Variants in CHRDL1 observed in about 807,000 individuals in gnomAD.
The protein encoded by CHRDL1 is chordin-like protein 1.
CHRDL1 carries 19 observed loss-of-function variants against 40.9 expected under a neutral mutation model. That is an observed-to-expected ratio of 0.46 (90% CI 0.32 to 0.68). The LOEUF (loss-of-function observed/expected upper bound fraction) is 0.68. Ranked by LOEUF, CHRDL1 falls within the 30% of genes least tolerant of loss-of-function variation. The pLI is 0.03. For synonymous variants in CHRDL1, 136 were observed against 123.4 expected (o/e 1.10, Z -0.68); for missense variants, 329 against 352.1 (o/e 0.93, Z 0.53).
At chrX:110,725,705 G>A (rs2071043653) in intron 4 of CHRDL1, among the ~76,000 whole-genome samples, 2 of 111,982 alleles carry the variant, frequency 1.8e-5, no homozygotes, top group African/African-American at 6.5e-5. Flanking sequence ...TCTGCTCCCA[G>A]TGTTATAAAT....
At chrX:110,694,026 A>G (rs1313742133) in intron 8 of CHRDL1, 137 bp downstream of exon 8, 8 of 505,524 alleles carry the variant, frequency 1.6e-5, no homozygotes, top group Non-Finnish European at 2.0e-5. Context: ...CTATACCCAC[A>G]GACTTGATGC....
chrX:110,771,764 T>C (rs1302308391), intron 2 of CHRDL1, among the ~76,000 whole-genome samples: 1 of 111,640 alleles, frequency 9.0e-6, no homozygotes, highest in Non-Finnish European at 1.9e-5. Context: ...GATCAGGAAT[T>C]ATACAAGGAT....
At chrX:110,706,146 C>A (rs972508948) in intron 6 of CHRDL1, among the ~76,000 whole-genome samples, 1 of 110,723 alleles carries the variant, frequency 9.0e-6, no homozygotes, top group Non-Finnish European at 1.9e-5. Context: ...AAAGTAGGCA[C>A]CAATACCCTA....
At chrX:110,705,304 T>TATATATATATATATAC (rs1491498596) in intron 6 of CHRDL1, among the ~76,000 whole-genome samples, 12 of 77,619 alleles carry the variant, frequency 1.5e-4, no homozygotes, top group African/African-American at 6.8e-4. Context: ...TATATATATA[T>TATATATATATATATAC]ACACACACAC....
intron 9 of CHRDL1, among the ~76,000 whole-genome samples, chrX:110,686,923 TTC>T (rs1384893680): frequency 2.8e-5 from 3 of 106,873 alleles, no homozygotes; most frequent in Non-Finnish European, 5.8e-5. Flanking sequence ...AAAGAATGTG[TTC>T]TCTCTGTATT....
chrX:110,791,336 G>A (rs2090096584), intron 2 of CHRDL1, among the ~76,000 whole-genome samples: 1 of 111,615 alleles, frequency 9.0e-6, no homozygotes, highest in Admixed American at 9.5e-5. Flanking sequence ...GCCCAAAGAA[G>A]GTAAGACCCA....
chrX:110,721,359 A>G (rs766731684), intron 5 of CHRDL1, 26 bp downstream of exon 5: 1 of 1,200,321 alleles, frequency 8.3e-7, no homozygotes, highest in Non-Finnish European at 1.1e-6. Context: ...AGGGCCTAGC[A>G]GGAATGTTAA....
intron 2 of CHRDL1, among the ~76,000 whole-genome samples, chrX:110,790,066 T>TTG (rs34776572): frequency 0.15 from 17,264 of 111,450 alleles, 1,387 homozygotes; most frequent in Middle Eastern, 0.29. Context: ...TGCATGCATA[T>TTG]TGTGTGTGTT....
intron 2 of CHRDL1, among the ~76,000 whole-genome samples, chrX:110,787,576 T>C (rs2090036992): frequency 8.9e-6 from 1 of 112,383 alleles, no homozygotes. Flanking sequence ...AACCCATGCC[T>C]TCCTGGCTGG....
intron 6 of CHRDL1, among the ~76,000 whole-genome samples, chrX:110,705,863 A>T (rs890468512): frequency 9.1e-6 from 1 of 109,875 alleles, no homozygotes; most frequent in South Asian, 3.8e-4. Context: ...AAATACTAGG[A>T]ACTGTTAGCA....
Position 110,762,695 on chromosome X carries a change from C to T in CHRDL1, c.207G>A (p.Glu69=). The T allele has an allele frequency of 1.8e-6, 2 of 1,107,549 alleles. No individual in the cohort carries two copies. Among genetic ancestry groups the T allele is most frequent in the Non-Finnish European group, 2.5e-6 (2 of 804,401 alleles). The allele number at this position is 1,107,549 out of a possible 1,213,427, so 91.3% of individuals were successfully genotyped here. A position where few individuals can be genotyped will look rare whatever the true frequency, so the allele number is the denominator to read the frequency against. The change falls in exon 3 of 12, where the codon GAG becomes GAA. Residue 69 remains glutamate, a splice_region_variant and synonymous_variant. Coordinates refer to ENST00000372042, the MANE Select transcript of CHRDL1 (RefSeq NM_001143981.2). ...AATCACATGTCATGAGAGATTGTAC[C>T]TCTGAGCAGATGCAGTTCACGCAGT... is the stretch of plus-strand genomic sequence containing the variant. The part of the protein sequence containing the change: ...LVYCVNCICS[E]NGNVLCSRVR...
intron 4 of CHRDL1, among the ~76,000 whole-genome samples, chrX:110,728,833 A>T (rs2071104178): frequency 8.9e-6 from 1 of 111,948 alleles, no homozygotes; most frequent in Non-Finnish European, 1.9e-5. Flanking sequence ...ATCTTGCAGG[A>T]TGAATGTATC....
At chrX:110,691,376 C>T (rs2070274337) in intron 8 of CHRDL1, among the ~76,000 whole-genome samples, 1 of 110,278 alleles carries the variant, frequency 9.1e-6, no homozygotes, top group East Asian at 2.8e-4. Context: ...CTGCACAAGG[C>T]TGCAGATGGG....
At chrX:110,725,652 T>C (rs1034237333) in intron 4 of CHRDL1, among the ~76,000 whole-genome samples, 1 of 111,789 alleles carries the variant, frequency 8.9e-6, no homozygotes, top group Admixed American at 9.5e-5. Flanking sequence ...AGTAGGACAG[T>C]TCTTGGATAG....
chrX:110,759,836 A>T, intron 3 of CHRDL1, 82 bp from the exon 4 acceptor site: 2 of 643,823 alleles, frequency 3.1e-6, no homozygotes, highest in Admixed American at 2.3e-5. Context: ...ACAGTCATGC[A>T]GGGACTCACC....
chrX:110,746,728 G>C (rs754720259), intron 4 of CHRDL1, among the ~76,000 whole-genome samples: 1 of 111,346 alleles, frequency 9.0e-6, no homozygotes, highest in Non-Finnish European at 1.9e-5. Flanking sequence ...AGAGGAACAC[G>C]TACCAAAATG....
At chrX:110,786,124 C>T (rs1299408292) in intron 2 of CHRDL1, among the ~76,000 whole-genome samples, 1 of 112,004 alleles carries the variant, frequency 8.9e-6, no homozygotes, top group African/African-American at 3.2e-5. Flanking sequence ...GGAATAATCT[C>T]TGTAGATGAA....
intron 7 of CHRDL1, among the ~76,000 whole-genome samples, chrX:110,697,453 T>TATC (rs1239057524): frequency 1.8e-5 from 2 of 110,792 alleles, no homozygotes; most frequent in East Asian, 5.6e-4. Context: ...AATCTATAGT[T>TATC]ATCTCAAAAT....
At chrX:110,710,333 G>A (rs1192282160) in intron 6 of CHRDL1, among the ~76,000 whole-genome samples, 1 of 111,961 alleles carries the variant, frequency 8.9e-6, no homozygotes, top group South Asian at 3.7e-4. Flanking sequence ...AAAGAATAAG[G>A]TTGAAGAAAG....
Sources: allele counts gnomAD v4.1 joint callset (sites outside exome capture counted in the v4.1 genomes callset), GRCh38; gene constraint gnomAD v4.1.1; transcripts MANE v1.5; gene names NCBI Gene and HGNC (gene_info 2026-07-23, HGNC 2026-07-21).